The following STRN variants were observed in gnomAD, a reference collection of about 807,000 sequenced individuals.
The protein encoded by STRN is protein phosphatase 2 regulatory subunit B'''alpha.
A neutral mutation model predicts 96.3 loss-of-function variants in STRN; 53 were observed. The ratio of observed to expected loss-of-function variants is 0.55; its 90% CI spans 0.44 to 0.69. STRN has a LOEUF of 0.69. Ranked by LOEUF, STRN falls within the 30% of genes least tolerant of loss-of-function variation. The pLI, the probability that STRN is intolerant of heterozygous loss-of-function variation, is 0.00. For synonymous variants in STRN, 428 were observed against 355.9 expected (o/e 1.20, Z -2.28); for missense variants, 987 against 963.9 (o/e 1.02, Z -0.32).
chr2:36,898,095 G>A (rs1380844199), intron 6 of STRN, among the ~76,000 whole-genome samples: 1 of 152,172 alleles, frequency 6.6e-6, no homozygotes, highest in African/African-American at 2.4e-5. Context: ...AAGATCATAT[G>A]TAACAGTTTT....
chr2:36,943,586 C>T (rs553355773), intron 1 of STRN, among the ~76,000 whole-genome samples: 1 of 151,972 alleles, frequency 6.6e-6, no homozygotes, highest in South Asian at 2.1e-4. Context: ...GGGAGAATCA[C>T]GAGGTCAGGA....
intron 1 of STRN, among the ~76,000 whole-genome samples, chr2:36,927,898 T>C (rs1228715774): frequency 6.6e-6 from 1 of 152,190 alleles, no homozygotes; most frequent in South Asian, 2.1e-4. Context: ...TATTTGCACA[T>C]ATGTGAAATT....
chr2:36,852,465 C>T (rs1668243983), intron 15 of STRN, among the ~76,000 whole-genome samples: 2 of 152,042 alleles, frequency 1.3e-5, no homozygotes, highest in Admixed American at 6.6e-5. Flanking sequence ...TCAGAGAATG[C>T]CCTTGATCTT....
chr2:36,891,516 C>T (rs144748914), intron 7 of STRN, among the ~76,000 whole-genome samples: 1 of 129,062 alleles, frequency 7.7e-6, no homozygotes, highest in Non-Finnish European at 1.8e-5. Flanking sequence ...CAGAGTGAGA[C>T]TCTGTCAAAA....
At chr2:36,903,706 C>G (rs1669747513) in intron 4 of STRN, among the ~76,000 whole-genome samples, 1 of 152,128 alleles carries the variant, frequency 6.6e-6, no homozygotes, top group Non-Finnish European at 1.5e-5. Flanking sequence ...AAAGAGTTAT[C>G]TCAGAAATAT....
chr2:36,930,146 A>G (rs1670533092), intron 1 of STRN, among the ~76,000 whole-genome samples: 1 of 152,186 alleles, frequency 6.6e-6, no homozygotes, highest in Admixed American at 6.5e-5. Flanking sequence ...CAGTGTCATT[A>G]TCAGGCTAGG....
Position 36,883,929 on chromosome 2 carries a change from T to C in STRN, c.1186+3A>G. The C allele has an allele frequency of 7.3e-7, 1 of 1,362,716 alleles. No homozygotes were observed. The highest frequency in any genetic ancestry group is 9.5e-7 in the Non-Finnish European group (1 of 1,050,260). The allele number at this position is 1,362,716 out of a possible 1,614,324, so 84.4% of individuals were successfully genotyped here. A position where few individuals can be genotyped will look rare whatever the true frequency, so the allele number is the denominator to read the frequency against. Reference sequence around the variant, plus strand: ...TGTGCTCCAGAGTATCTTAAATACTTACCTTCATCTGCCCTATTAATTTCA... The same window carrying C: ...TGTGCTCCAGAGTATCTTAAATACTCACCTTCATCTGCCCTATTAATTTCA... On this transcript the variant is annotated splice_donor_region_variant and intron_variant, in intron 9 of 17. Transcript: ENST00000263918.
chr2:36,856,016 T>A (rs1668335380), intron 14 of STRN, among the ~76,000 whole-genome samples: 1 of 152,130 alleles, frequency 6.6e-6, no homozygotes, highest in Non-Finnish European at 1.5e-5. Context: ...TTCAAAAATG[T>A]GCATACTGCA....
intron 1 of STRN, among the ~76,000 whole-genome samples, chr2:36,956,667 G>C (rs1180871476): frequency 6.6e-6 from 1 of 152,164 alleles, no homozygotes; most frequent in Non-Finnish European, 1.5e-5. Flanking sequence ...GGTTTTGTTT[G>C]TTTTAAACTC....
At chr2:36,875,094 T>C (rs187668858) in intron 10 of STRN, among the ~76,000 whole-genome samples, 5 of 152,286 alleles carry the variant, frequency 3.3e-5, no homozygotes, top group Admixed American at 2.0e-4. Context: ...AAAAGCATTA[T>C]AAGGTCTTTG....
intron 6 of STRN, among the ~76,000 whole-genome samples, 177 bp downstream of exon 6, chr2:36,899,346 T>C (rs536524495): frequency 6.6e-6 from 1 of 152,334 alleles, no homozygotes; most frequent in South Asian, 2.1e-4. Context: ...AGAAAGCTAC[T>C]ATATTAAAAA....
At chr2:36,944,268 A>C (rs1374188270) in intron 1 of STRN, among the ~76,000 whole-genome samples, 1 of 152,226 alleles carries the variant, frequency 6.6e-6, no homozygotes, top group East Asian at 1.9e-4. Context: ...AAAACGTTAT[A>C]AAGAAGGAAA....
At position 36,837,840 on chromosome 2, in the gene STRN, C is replaced by A. The variant is rs146630644; in HGVS notation, c.*11616G>T. Among the ~76,000 whole-genome samples, 283 of 152,196 alleles carry A rather than the reference C, an allele frequency of 1.9e-3. 2 individuals carry two copies. The highest frequency in any genetic ancestry group is 6.6e-3 in the African/African-American group (274 of 41,530). ...TTGTACAACATACAAAATGCTTTCA[C>A]AAACTAGTTAACTAAAAAGACAAAC... On this transcript the variant is annotated 3_prime_UTR_variant, in exon 18 of 18. Coordinates refer to ENST00000263918, the MANE Select transcript of STRN (RefSeq NM_003162.4).
chr2:36,940,816 G>T (rs1332780910), intron 1 of STRN, among the ~76,000 whole-genome samples: 1 of 131,500 alleles, frequency 7.6e-6, no homozygotes, highest in Admixed American at 8.8e-5. Context: ...CAGCCTGGGC[G>T]ACTGGGCAAG....
At chr2:36,959,229 C>T (rs1307519857) in intron 1 of STRN, among the ~76,000 whole-genome samples, 1 of 152,086 alleles carries the variant, frequency 6.6e-6, no homozygotes, top group African/African-American at 2.4e-5. Flanking sequence ...CAGTAAAACA[C>T]AGTAAAATCT....
intron 1 of STRN, among the ~76,000 whole-genome samples, chr2:36,937,787 GA>G (rs1461679830): frequency 1.3e-5 from 2 of 151,994 alleles, no homozygotes; most frequent in African/African-American, 2.4e-5. Flanking sequence ...TATGTATCTT[GA>G]AAAGATAGTT....
At chr2:36,962,238 A>G (rs778125405) in intron 1 of STRN, among the ~76,000 whole-genome samples, 4 of 152,174 alleles carry the variant, frequency 2.6e-5, no homozygotes, top group Non-Finnish European at 5.9e-5. Flanking sequence ...ACAAGTTATT[A>G]ATGCCAAAAC....
chr2:36,929,833 G>A (rs903461921), intron 1 of STRN, among the ~76,000 whole-genome samples: 4 of 152,042 alleles, frequency 2.6e-5, no homozygotes, highest in Admixed American at 2.0e-4. Flanking sequence ...ACTTGCTATG[G>A]AATATAAAGA....
intron 11 of STRN, among the ~76,000 whole-genome samples, chr2:36,868,839 C>T (rs1572634184): frequency 6.6e-6 from 1 of 151,158 alleles, no homozygotes; most frequent in East Asian, 1.9e-4. Flanking sequence ...GTGCCTAATA[C>T]TGCAAAAGGG....
Sources: gnomAD v4.1 joint callset for allele counts (sites outside exome capture counted in the v4.1 genomes callset) on GRCh38, gnomAD v4.1.1 for gene constraint, MANE v1.5 for transcripts, NCBI Gene and HGNC (gene_info 2026-07-23, HGNC 2026-07-21) for gene names.